The following MAPK6 variants were observed in gnomAD, a reference collection of about 807,000 sequenced individuals.
MAPK6 encodes ERK-3.
In MAPK6, 19 loss-of-function variants were observed where a neutral mutation model predicts 59.3. The ratio of observed to expected loss-of-function variants is 0.32; its 90% CI spans 0.22 to 0.47. The LOEUF is 0.47. MAPK6 is among the 20% of genes least tolerant of loss of function. The probability of loss-of-function intolerance (pLI) is 1.00; values close to 1 mark genes in which losing one functional copy is unlikely to be tolerated. For synonymous variants in MAPK6, 316 were observed against 290.3 expected (o/e 1.09, Z -0.90); for missense variants, 724 against 847.9 (o/e 0.85, Z 1.81).
At chr15:52,047,170 T>A (rs1429258484) in intron 2 of MAPK6, among the ~76,000 whole-genome samples, 155 bp downstream of exon 2, 1 of 152,198 alleles carries the variant, frequency 6.6e-6, no homozygotes, top group East Asian at 1.9e-4. Flanking sequence ...CTGTTTGAAA[T>A]GAAGGTGGAG....
chr15:51,992,295 A>ATCTATCTATC (rs1186123368), intron 2 of MAPK6, among the ~76,000 whole-genome samples: 872 of 84,608 alleles, frequency 0.01, 8 homozygotes, highest in East Asian at 0.05. Flanking sequence ...ATCTATCTAT[A>ATCTATCTATC]TATATATATA....
intron 1 of MAPK6, among the ~76,000 whole-genome samples, chr15:51,972,590 G>A (rs1403620943): frequency 4.7e-5 from 7 of 147,934 alleles, no homozygotes; most frequent in East Asian, 2.0e-4. Context: ...TTGGGAGGCC[G>A]AGGCGGGTGG....
At chr15:52,045,318 G>C (rs188568602) in intron 1 of MAPK6, among the ~76,000 whole-genome samples, 2 of 152,112 alleles carry the variant, frequency 1.3e-5, no homozygotes, top group East Asian at 3.9e-4. Flanking sequence ...CTTTTCATAG[G>C]TATTATTCAT....
At chr15:52,031,829 A>G (rs1267529471) in intron 1 of MAPK6, among the ~76,000 whole-genome samples, 3 of 152,176 alleles carry the variant, frequency 2.0e-5, no homozygotes, top group Non-Finnish European at 4.4e-5. Context: ...ATCCTGTCTC[A>G]AGATAAATAA....
intron 3 of MAPK6, among the ~76,000 whole-genome samples, chr15:52,014,196 A>G (rs1018020135): frequency 1.3e-5 from 2 of 152,078 alleles, no homozygotes; most frequent in African/African-American, 4.8e-5. Flanking sequence ...AATAATTTGC[A>G]TCTCTGCTCA....
At chr15:52,063,370 T>G (rs1179130509) in intron 5 of MAPK6, among the ~76,000 whole-genome samples, 1 of 152,238 alleles carries the variant, frequency 6.6e-6, no homozygotes, top group Non-Finnish European at 1.5e-5. Context: ...GACCTGCATT[T>G]TCTATTTTAC....
intron 4 of MAPK6, among the ~76,000 whole-genome samples, chr15:52,060,351 G>A (rs2032151942): frequency 1.3e-5 from 2 of 152,326 alleles, no homozygotes; most frequent in Admixed American, 1.3e-4. Context: ...ATGTGTGAGT[G>A]ACCATAGTGA....
rs1431962204 is a variant in MAPK6, at chr15:52,065,409, A to C, written c.*409A>C. 6.4e-6 allele frequency: 1 copy of C among 157,126 alleles called. No individual in the cohort carries two copies. Among genetic ancestry groups the C allele is most frequent in the Non-Finnish European group, 1.4e-5 (1 of 71,056 alleles). 9.7% of individuals were successfully genotyped at this position (157,126 alleles called of 1,614,324 possible). Reference sequence around the variant, plus strand: ...ATTCATGAATATTTTCAAGTTTTTCATACTGTACACATTTCTTAAAACACA... The same window carrying C: ...ATTCATGAATATTTTCAAGTTTTTCCTACTGTACACATTTCTTAAAACACA... On this transcript the variant is annotated 3_prime_UTR_variant, in exon 6 of 6. Transcript: ENST00000261845.
At chr15:52,028,318 C>G (rs530728267) in intron 1 of MAPK6, among the ~76,000 whole-genome samples, 1 of 152,090 alleles carries the variant, frequency 6.6e-6, no homozygotes, top group South Asian at 2.1e-4. Context: ...AACTACTGAC[C>G]TCAAGTGATT....
Position 52,061,281 on chromosome 15 carries a change from T to C in MAPK6, c.866-18T>C. On this transcript the variant is annotated intron_variant, in intron 4 of 5. Transcript: ENST00000261845. The stretch of plus-strand genomic sequence containing the variant: ...TAAGCAATTCTTTTCTGAAAAACTT[T>C]TACCTTTTCCTCTGCAGCACTGGAT... 6.2e-7 allele frequency: 1 copy of C among 1,603,452 alleles called. No individual in the cohort carries two copies. Among genetic ancestry groups the C allele is most frequent in the African/African-American group, 1.3e-5 (1 of 74,808 alleles).
chr15:51,998,580 G>A (rs1305919803), intron 2 of MAPK6, among the ~76,000 whole-genome samples: 1 of 146,354 alleles, frequency 6.8e-6, no homozygotes, highest in Non-Finnish European at 1.5e-5. Flanking sequence ...GGAATGTAGT[G>A]GTGTGATCTC....
intron 2 of MAPK6, among the ~76,000 whole-genome samples, chr15:51,984,691 G>A (rs2057185408): frequency 6.6e-6 from 1 of 151,818 alleles, no homozygotes; most frequent in Non-Finnish European, 1.5e-5. Flanking sequence ...TTCTCCGGGG[G>A]GGAAGAAAAG....
At chr15:52,011,184 C>T (rs958711215) in intron 3 of MAPK6, 4 of 152,178 alleles carry the variant, frequency 2.6e-5, no homozygotes, top group African/African-American at 7.2e-5. Flanking sequence ...TTTCAACTCT[C>T]GTACTGTAAA....
At position 52,046,657 on chromosome 15, in the gene MAPK6, T is replaced by A. The variant is rs1362070965; in HGVS notation, c.197T>A (p.Ile66Asn). Reference sequence around the variant, plus strand: ...AGTGTCAAACATGCTCTACGTGAAATCAAAATTATTAGAAGACTTGACCAT... The same window carrying A: ...AGTGTCAAACATGCTCTACGTGAAAACAAAATTATTAGAAGACTTGACCAT... Reference protein sequence around the residue: ...PQSVKHALREIKIIRRLDHDN... With the variant: ...PQSVKHALRENKIIRRLDHDN... Residue 66 changes from isoleucine to asparagine, a missense_variant, in exon 2 of 6, where the codon ATC (isoleucine) becomes AAC (asparagine). Coordinates refer to ENST00000261845, the MANE Select transcript of MAPK6 (RefSeq NM_002748.4). 6.2e-7 allele frequency: 1 copy of A among 1,614,016 alleles called. No homozygotes were observed. Among genetic ancestry groups the A allele is most frequent in the Non-Finnish European group, 8.5e-7 (1 of 1,180,014 alleles).
chr15:51,981,387 G>A (rs1449517041), intron 1 of MAPK6, among the ~76,000 whole-genome samples: 1 of 151,922 alleles, frequency 6.6e-6, no homozygotes, highest in African/African-American at 2.4e-5. Flanking sequence ...GCAGGAGAAT[G>A]GCATGAATGG....
intron 1 of MAPK6, among the ~76,000 whole-genome samples, chr15:51,979,831 T>A (rs1342584347): frequency 1.3e-5 from 2 of 151,590 alleles, no homozygotes; most frequent in Non-Finnish European, 2.9e-5. Context: ...TATGTGTGTG[T>A]GTCTAGCATG....
At chr15:51,979,223 G>GAAAA (rs10671963) in intron 1 of MAPK6, among the ~76,000 whole-genome samples, 64,200 of 149,888 alleles carry the variant, frequency 0.43, 14,261 homozygotes, top group Admixed American at 0.5. Flanking sequence ...AAGAAAAAAA[G>GAAAA]AGAAAGAAAA....
chr15:52,045,318 G>A (rs188568602), intron 1 of MAPK6, among the ~76,000 whole-genome samples: 1 of 151,994 alleles, frequency 6.6e-6, no homozygotes, highest in Non-Finnish European at 1.5e-5. Flanking sequence ...CTTTTCATAG[G>A]TATTATTCAT....
chr15:52,063,842 G>A lies in MAPK6; in HGVS notation c.1068-60G>A, dbSNP rs368865611. ...CAGTGCTGTCACATAGAAGGTACTC[G>A]GTGAATTTGAAAATGAAATCATATA... On this transcript the variant is annotated intron_variant, in intron 5 of 5. Transcript: ENST00000261845. 2.1e-4 allele frequency: 300 copies of A among 1,428,532 alleles called. 4 individuals carry two copies. In the East Asian group the frequency reaches 5.0e-3, roughly 24 times the overall value. 88.5% of individuals were successfully genotyped at this position (1,428,532 alleles called of 1,614,324 possible).
Sources: gnomAD v4.1 joint callset for allele counts (sites outside exome capture counted in the v4.1 genomes callset) on GRCh38, gnomAD v4.1.1 for gene constraint, MANE v1.5 for transcripts, NCBI Gene and HGNC (gene_info 2026-07-23, HGNC 2026-07-21) for gene names.